The following PRSS38 variants were observed in gnomAD, a reference collection of about 807,000 sequenced individuals.
PRSS38 encodes the protein marapsin 2.
PRSS38 carries 22 observed loss-of-function variants against 26.8 expected under a neutral mutation model. That is an observed-to-expected ratio of 0.82 (90% CI 0.59 to 1.17). PRSS38 has a LOEUF of 1.17. Ranked by LOEUF, PRSS38 falls within the 50% of genes most tolerant of loss-of-function variation. The pLI, the probability that PRSS38 is intolerant of heterozygous loss-of-function variation, is 0.00. For synonymous variants in PRSS38, 175 were observed against 172.1 expected (o/e 1.02, Z -0.13); for missense variants, 427 against 422.7 (o/e 1.01, Z -0.09).
chr1:227,817,506 G>T, intron 3 of PRSS38, 26 bp downstream of exon 3: 1 of 1,607,500 alleles, frequency 6.2e-7, no homozygotes, highest in Non-Finnish European at 8.5e-7. Context: ...AGGGCTTTGT[G>T]GGCAGGATGA....
chr1:227,820,978 A>C (rs1215733958), intron 3 of PRSS38, among the ~76,000 whole-genome samples: 3 of 152,310 alleles, frequency 2.0e-5, no homozygotes, highest in East Asian at 3.9e-4. Context: ...TGTCTATTTC[A>C]TCCAAGTTAT....
At chr1:227,828,762 C>T (rs369066413) in intron 3 of PRSS38, among the ~76,000 whole-genome samples, 1 of 150,156 alleles carries the variant, frequency 6.7e-6, no homozygotes, top group Non-Finnish European at 1.5e-5. Flanking sequence ...GACCACCCCC[C>T]AGGGTTATGT....
At chr1:227,833,427 T>C (rs1449261727) in intron 3 of PRSS38, among the ~76,000 whole-genome samples, 1 of 152,018 alleles carries the variant, frequency 6.6e-6, no homozygotes, top group Non-Finnish European at 1.5e-5. Flanking sequence ...CTTGGGAGGT[T>C]GAGGCGGGAG....
chr1:227,823,409 AT>A lies in PRSS38; in HGVS notation c.583+5937del, dbSNP rs1489453980. ...GTTGATGGGCACTTGGTTTGGTTCT[AT>A]TTTTTTTCTTTTTTGTTCATGCTGT... On this transcript the variant is annotated intron_variant, in intron 3 of 4. Transcript: ENST00000366757. 5.3e-5 allele frequency among the ~76,000 whole-genome samples: 8 copies of A among 151,344 alleles called. No individual in the cohort carries two copies. In the South Asian group the frequency reaches 1.5e-3, roughly 28 times the overall value.
At chr1:227,826,845 A>C (rs1027213217) in intron 3 of PRSS38, among the ~76,000 whole-genome samples, 2 of 152,128 alleles carry the variant, frequency 1.3e-5, no homozygotes, top group African/African-American at 4.8e-5. Flanking sequence ...TCTTATTTTG[A>C]GGTCTGTTCC....
intron 3 of PRSS38, among the ~76,000 whole-genome samples, chr1:227,838,688 C>G (rs905903492): frequency 6.6e-6 from 1 of 152,192 alleles, no homozygotes; most frequent in African/African-American, 2.4e-5. Flanking sequence ...GACTTACATA[C>G]TCAGCTTTAA....
In PRSS38 at chr1:227,831,602, C is replaced by T. The variant is rs78242496; in HGVS notation, c.584-13868C>T. Among the ~76,000 whole-genome samples, 811 of 152,240 alleles carry T rather than the reference C, an allele frequency of 5.3e-3. 17 individuals are homozygous for T. The highest frequency in any genetic ancestry group is 0.046 in the East Asian group (237 of 5,166). The stretch of plus-strand genomic sequence containing the variant: ...TTAAAAGCAGTTATTGGGCCAGGCG[C>T]GATGGCTCACACCTGTAATCCCAAC... On this transcript the variant is annotated intron_variant, in intron 3 of 4. Coordinates refer to ENST00000366757, the Ensembl canonical transcript of PRSS38.
intron 3 of PRSS38, among the ~76,000 whole-genome samples, chr1:227,845,079 G>T (rs1379058664): frequency 6.9e-6 from 1 of 145,898 alleles, no homozygotes; most frequent in African/African-American, 2.6e-5. Context: ...GTTTAGTGGG[G>T]TGCCTCCCTA....
At chr1:227,841,358 G>A (rs977707835) in intron 3 of PRSS38, among the ~76,000 whole-genome samples, 2 of 152,232 alleles carry the variant, frequency 1.3e-5, no homozygotes, top group Non-Finnish European at 2.9e-5. Context: ...AACCACGTCC[G>A]TGGCAAAATT....
intron 3 of PRSS38, among the ~76,000 whole-genome samples, chr1:227,843,135 G>T (rs1345050215): frequency 6.6e-6 from 1 of 152,150 alleles, no homozygotes; most frequent in African/African-American, 2.4e-5. Context: ...TCTCTTGGCA[G>T]AATTAGTAAA....
chr1:227,839,625 T>C (rs1572090109), intron 3 of PRSS38, among the ~76,000 whole-genome samples: 1 of 152,246 alleles, frequency 6.6e-6, no homozygotes, highest in Non-Finnish European at 1.5e-5. Context: ...CTTTTGAGAC[T>C]GTGAACATCT....
intron 3 of PRSS38, among the ~76,000 whole-genome samples, chr1:227,834,341 C>A (rs908491877): frequency 2.6e-5 from 4 of 152,032 alleles, no homozygotes; most frequent in African/African-American, 9.7e-5. Flanking sequence ...TTGGACTTGG[C>A]AATGGGTTCT....
chr1:227,831,811 C>T (rs1182199053), intron 3 of PRSS38, among the ~76,000 whole-genome samples: 2 of 152,014 alleles, frequency 1.3e-5, no homozygotes, highest in Non-Finnish European at 2.9e-5. Context: ...AAGATTACAC[C>T]ACTGCACTCC....
rs757176046 is a variant in PRSS38, at chr1:227,816,380, G to A, written c.311+128G>A. ...CGACTCCCTTCACCACTGTCGACCC[G>A]CGCAAGGCCAGGTCCCCACCAGTGA... On this transcript the variant is annotated intron_variant, in intron 2 of 4. Transcript: ENST00000366757. The surrounding 1 kb of genome is among the most constrained non-coding windows in gnomAD (Gnocchi z 5.1). The A allele has an allele frequency of 1.9e-5, 19 of 1,002,162 alleles. No homozygotes were observed. The highest frequency in any genetic ancestry group is 6.5e-4 in the Middle Eastern group (2 of 3,092). The allele number at this position is 1,002,162 out of a possible 1,614,324, so 62.1% of individuals were successfully genotyped here. A position where few individuals can be genotyped will look rare whatever the true frequency, so the allele number is the denominator to read the frequency against.
chr1:227,817,751 G>A (rs1295257718), intron 3 of PRSS38, among the ~76,000 whole-genome samples: 1 of 152,212 alleles, frequency 6.6e-6, no homozygotes, highest in African/African-American at 2.4e-5. Context: ...TTTTCCTTAA[G>A]ATTGTAAACG....
Position 227,816,324 on chromosome 1 carries a change from A to C in PRSS38, c.311+72A>C, listed in dbSNP as rs1572078554. The stretch of plus-strand genomic sequence containing the variant: ...GGAGTGCCCACAGCGGCTTGGATGG[A>C]CCCCACGCAAGCCTCCCCCATCACC... On this transcript the variant is annotated intron_variant, in intron 2 of 4. Coordinates refer to ENST00000366757, the Ensembl canonical transcript of PRSS38. This position sits in a 1 kb window ranked among gnomAD's most constrained non-coding sequence, Gnocchi z 5.1. The C allele has an allele frequency of 6.9e-7, 1 of 1,456,142 alleles. No homozygotes were observed. Among genetic ancestry groups the C allele is most frequent in the Non-Finnish European group, 9.4e-7 (1 of 1,067,256 alleles). 90.2% of individuals were successfully genotyped at this position (1,456,142 alleles called of 1,614,324 possible).
intron 3 of PRSS38, among the ~76,000 whole-genome samples, chr1:227,840,999 A>G (rs917151813): frequency 6.6e-6 from 1 of 152,264 alleles, no homozygotes; most frequent in Non-Finnish European, 1.5e-5. Flanking sequence ...TTGGTATTTT[A>G]GAGAAGCCTC....
intron 3 of PRSS38, among the ~76,000 whole-genome samples, chr1:227,835,717 A>T (rs1665228462): frequency 6.6e-6 from 1 of 152,244 alleles, no homozygotes; most frequent in Admixed American, 6.5e-5. Context: ...AAAGTCCTAT[A>T]TTGTGTGATT....
intron 3 of PRSS38, among the ~76,000 whole-genome samples, chr1:227,843,597 G>C (rs1180834985): frequency 6.6e-6 from 1 of 152,114 alleles, no homozygotes; most frequent in East Asian, 1.9e-4. Context: ...AGCTACTTGG[G>C]AGTCTGAAGC....
Sources: allele counts gnomAD v4.1 joint callset (sites outside exome capture counted in the v4.1 genomes callset), GRCh38; gene constraint gnomAD v4.1.1; non-coding constraint Gnocchi (gnomAD v3.1); transcripts MANE v1.5; gene names NCBI Gene and HGNC (gene_info 2026-07-23, HGNC 2026-07-21).